Variants in DDX46 observed in about 807,000 individuals in gnomAD.
DDX46 encodes the protein DEAD-box helicase 46.
A neutral mutation model predicts 134.9 loss-of-function variants in DDX46; 30 were observed. The observed-to-expected ratio is 0.22, with a 90% CI of 0.17 to 0.30. The LOEUF (loss-of-function observed/expected upper bound fraction) is 0.30, where lower values mean the gene tolerates loss of function less well. Among genes scored for constraint, DDX46 ranks in the 10% least tolerant of loss-of-function variants. The pLI is 1.00. For synonymous variants in DDX46, 415 were observed against 404.1 expected, an observed-to-expected ratio of 1.03 and a Z score of -0.32; for missense variants, 622 against 1,248.7, an observed-to-expected ratio of 0.50 and a Z score of 7.56.
At chr5:134,769,039 C>CAG (rs927263091) in intron 3 of DDX46, among the ~76,000 whole-genome samples, 1 of 152,082 alleles carries the variant, frequency 6.6e-6, no homozygotes, top group Admixed American at 6.6e-5. Context: ...GCCTGGCCGA[C>CAG]AGAGAGAGAC....
At chr5:134,772,981 G>A (rs1258318989) in intron 4 of DDX46, among the ~76,000 whole-genome samples, 1 of 152,130 alleles carries the variant, frequency 6.6e-6, no homozygotes, top group Non-Finnish European at 1.5e-5. Flanking sequence ...TGTGTTTTTA[G>A]TAGAGACAGG....
intron 18 of DDX46, 72 bp from the exon 19 acceptor site, chr5:134,816,353 ATTTAT>A: frequency 7.4e-7 from 1 of 1,347,834 alleles, no homozygotes; most frequent in Non-Finnish European, 1.0e-6. Context: ...AACATTCCTT[ATTTAT>A]TTCTGTAGAA....
At chr5:134,772,564 C>T (rs1248625263) in intron 4 of DDX46, among the ~76,000 whole-genome samples, 1 of 151,990 alleles carries the variant, frequency 6.6e-6, no homozygotes, top group Non-Finnish European at 1.5e-5. Context: ...AGGCCAGGTG[C>T]TGTGGCTCAT....
intron 4 of DDX46, among the ~76,000 whole-genome samples, chr5:134,772,470 T>C (rs556444394): frequency 6.7e-6 from 1 of 149,858 alleles, no homozygotes; most frequent in East Asian, 2.0e-4. Context: ...TGCAGTGAGC[T>C]GAGATCCCGC....
chr5:134,812,059 CTTTTTTTTTTTT>C (rs767502728), intron 18 of DDX46, among the ~76,000 whole-genome samples: 9 of 99,042 alleles, frequency 9.1e-5, no homozygotes, highest in Admixed American at 2.5e-4. Context: ...GTGAAAAGTC[CTTTTTTTTTTTT>C]TTTTTTTTTT....
chr5:134,792,736 T>C (rs1002950861), intron 13 of DDX46, among the ~76,000 whole-genome samples: 2 of 152,196 alleles, frequency 1.3e-5, no homozygotes, highest in African/African-American at 4.8e-5. Context: ...ACAAAATAAA[T>C]GATTAATTCA....
intron 5 of DDX46, among the ~76,000 whole-genome samples, chr5:134,774,932 T>C (rs1476782507): frequency 6.6e-6 from 1 of 152,088 alleles, no homozygotes; most frequent in Non-Finnish European, 1.5e-5. Flanking sequence ...GTTCAAGCTA[T>C]TCTCTTGCGC....
At chr5:134,771,132 C>T (rs890587881) in intron 4 of DDX46, 133 bp downstream of exon 4, 1 of 542,860 alleles carries the variant, frequency 1.8e-6, no homozygotes, top group Non-Finnish European at 3.2e-6. Context: ...TTCTGTCTTT[C>T]TTTCTGTCTG....
intron 4 of DDX46, among the ~76,000 whole-genome samples, chr5:134,772,314 G>T (rs1385682410): frequency 1.3e-5 from 2 of 152,044 alleles, no homozygotes; most frequent in Admixed American, 6.6e-5. Context: ...ACGAGGTCAA[G>T]AGATTGAGAT....
chr5:134,785,167 T>G (rs1394300997), intron 10 of DDX46, among the ~76,000 whole-genome samples: 1 of 152,176 alleles, frequency 6.6e-6, no homozygotes, highest in Non-Finnish European at 1.5e-5. Flanking sequence ...TTCTTTGTTC[T>G]GTGATTTGCA....
intron 13 of DDX46, among the ~76,000 whole-genome samples, chr5:134,790,962 C>T (rs1480295658): frequency 6.7e-6 from 1 of 150,030 alleles, no homozygotes; most frequent in Non-Finnish European, 1.5e-5. Flanking sequence ...GTACCTGGGA[C>T]TACAGGTGCC....
At chr5:134,827,080 A>C in intron 22 of DDX46, 60 bp downstream of exon 22, 1 of 1,487,500 alleles carries the variant, frequency 6.7e-7, no homozygotes, top group Non-Finnish European at 9.2e-7. Flanking sequence ...ATTGAAATAT[A>C]AATACAGAGA....
intron 5 of DDX46, among the ~76,000 whole-genome samples, chr5:134,776,250 T>C (rs1158487371): frequency 6.6e-6 from 1 of 151,594 alleles, no homozygotes; most frequent in Admixed American, 6.6e-5. Context: ...ATTAGCTTGG[T>C]GTGGTGGCGC....
chr5:134,788,920 T>C (rs886398457), intron 12 of DDX46, among the ~76,000 whole-genome samples: 1 of 152,186 alleles, frequency 6.6e-6, no homozygotes, highest in Non-Finnish European at 1.5e-5. Context: ...ATTTAAAATT[T>C]TTTTTCAGAA....
At chr5:134,826,902 G>A in intron 21 of DDX46, 45 bp from the exon 22 acceptor site, 4 of 1,589,012 alleles carry the variant, frequency 2.5e-6, no homozygotes, top group Non-Finnish European at 3.4e-6. Flanking sequence ...TAAACACAGT[G>A]TAAGTTTAGT....
intron 1 of DDX46, among the ~76,000 whole-genome samples, chr5:134,762,206 G>A (rs1391883442): frequency 1.3e-5 from 2 of 148,308 alleles, no homozygotes; most frequent in African/African-American, 5.0e-5. Flanking sequence ...AGGCCGGGAG[G>A]TTAAGACAAT....
intron 15 of DDX46, chr5:134,797,166 T>TAA (rs1754680459): frequency 7.4e-5 from 1 of 13,440 alleles, no homozygotes; most frequent in Non-Finnish European, 1.2e-4. Flanking sequence ...AAACTCCGTC[T>TAA]CAAAAAAAAA....
In DDX46 at chr5:134,811,787, A is replaced by G; in HGVS notation, c.2378A>G (p.Lys793Arg). ...TEQALANERKKLQKAALGLQD... is the reference protein window; with the variant it reads ...TEQALANERKRLQKAALGLQD... ...CAAGCTTTGGCTAATGAGAGGAAGA[A>G]GTTACAAAAAGCAGCTCTTGGTCTA... is the stretch of plus-strand genomic sequence containing the variant. The change falls in exon 18 of 23, where the codon AAG becomes AGG. Residue 793 changes from lysine (K) to arginine (R), a missense_variant. Transcript: ENST00000452510. 1 of 1,614,066 alleles carries G rather than the reference A, an allele frequency of 6.2e-7. No individual in the cohort carries two copies. The highest frequency in any genetic ancestry group is 8.5e-7 in the Non-Finnish European group (1 of 1,179,996).
intron 21 of DDX46, chr5:134,826,287 A>G (rs1164024550): frequency 6.6e-6 from 1 of 152,192 alleles, no homozygotes; most frequent in African/African-American, 2.4e-5. Flanking sequence ...TGAGTGCTTA[A>G]TGTTTATGAA....
Sources: gnomAD v4.1 joint callset for allele counts (sites outside exome capture counted in the v4.1 genomes callset) on GRCh38, gnomAD v4.1.1 for gene constraint, MANE v1.5 for transcripts, NCBI Gene and HGNC (gene_info 2026-07-23, HGNC 2026-07-21) for gene names.